LCLAT1: variants seen among roughly 807,000 people sequenced by gnomAD.
The protein encoded by LCLAT1 is 1-AGP acyltransferase 8.
A neutral mutation model predicts 30.7 loss-of-function variants in LCLAT1; 11 were observed. The ratio of observed to expected loss-of-function variants is 0.36; its 90% CI spans 0.23 to 0.59. LCLAT1 has a LOEUF of 0.59. Ranked by LOEUF, LCLAT1 falls within the 20% of genes least tolerant of loss-of-function variation. The pLI, the probability that LCLAT1 is intolerant of heterozygous loss-of-function variation, is 0.77. For missense variants in LCLAT1, 402 were observed against 458.6 expected (o/e 0.88, Z 1.13); for synonymous variants, 155 against 151.3 (o/e 1.02, Z -0.18).
intron 5 of LCLAT1, among the ~76,000 whole-genome samples, chr2:30,579,674 C>T (rs374307954): frequency 4.6e-5 from 7 of 152,170 alleles, no homozygotes; most frequent in African/African-American, 1.2e-4. Context: ...CAGTGGAGAC[C>T]AGCCTTTTTA....
intron 2 of LCLAT1, among the ~76,000 whole-genome samples, chr2:30,532,625 A>G (rs532060279): frequency 6.6e-6 from 1 of 152,190 alleles, no homozygotes; most frequent in African/African-American, 2.4e-5. Context: ...TAGTTAATTT[A>G]TTCTTTACAT....
At chr2:30,550,614 A>G (rs1664636309) in intron 3 of LCLAT1, among the ~76,000 whole-genome samples, 1 of 152,202 alleles carries the variant, frequency 6.6e-6, no homozygotes, top group Admixed American at 6.5e-5. Context: ...GAGGTTCATG[A>G]TATCAACATG....
intron 3 of LCLAT1, among the ~76,000 whole-genome samples, chr2:30,554,237 G>A (rs758445050): frequency 1.3e-5 from 2 of 152,166 alleles, no homozygotes; most frequent in Non-Finnish European, 2.9e-5. Context: ...AAATACATTC[G>A]ACCTGTCAGT....
intron 1 of LCLAT1, among the ~76,000 whole-genome samples, chr2:30,504,065 A>C (rs1313586700): frequency 6.7e-6 from 1 of 148,756 alleles, no homozygotes; most frequent in African/African-American, 2.5e-5. Context: ...AACTTTCTTC[A>C]TGCTTAAGGG....
intron 5 of LCLAT1, among the ~76,000 whole-genome samples, chr2:30,571,070 T>C (rs142437880): frequency 0.011 from 1,651 of 152,306 alleles, 25 homozygotes; most frequent in Admixed American, 0.04. Context: ...TATAGATTTA[T>C]TTGAGTTTTA....
intron 3 of LCLAT1, among the ~76,000 whole-genome samples, chr2:30,542,170 CT>C (rs1370235976): frequency 6.6e-6 from 1 of 151,960 alleles, no homozygotes; most frequent in Non-Finnish European, 1.5e-5. Flanking sequence ...TGTGGTTTAC[CT>C]TTCTACTTTT....
At chr2:30,525,789 T>A (rs1316189992) in intron 2 of LCLAT1, 34 bp downstream of exon 2, 1 of 1,603,644 alleles carries the variant, frequency 6.2e-7, no homozygotes, top group Non-Finnish European at 8.5e-7. Context: ...TGTCTGCTTG[T>A]ACTAGAGTGC....
At chr2:30,594,334 A>G (rs1394628794) in intron 5 of LCLAT1, among the ~76,000 whole-genome samples, 2 of 152,148 alleles carry the variant, frequency 1.3e-5, no homozygotes, top group African/African-American at 4.8e-5. Context: ...GCAAAGTTCA[A>G]AGAGGCTTAC....
chr2:30,489,026 C>T (rs1337217575), intron 1 of LCLAT1: 1 of 152,198 alleles, frequency 6.6e-6, no homozygotes, highest in Non-Finnish European at 1.5e-5. Flanking sequence ...TTCCATTGTA[C>T]TGATAGGTTC....
At chr2:30,536,463 A>G (rs1404583424) in intron 3 of LCLAT1, among the ~76,000 whole-genome samples, 1 of 152,250 alleles carries the variant, frequency 6.6e-6, no homozygotes, top group Non-Finnish European at 1.5e-5. Context: ...TTTACAGGCC[A>G]GGAGAGAATG....
chr2:30,562,802 AG>A (rs1315676078), intron 4 of LCLAT1, among the ~76,000 whole-genome samples: 1 of 152,102 alleles, frequency 6.6e-6, no homozygotes, highest in African/African-American at 2.4e-5. Context: ...TCCTCTTCTA[AG>A]GTATTTATTT....
At chr2:30,590,511 A>G (rs1272104008) in intron 5 of LCLAT1, among the ~76,000 whole-genome samples, 1 of 144,772 alleles carries the variant, frequency 6.9e-6, no homozygotes, top group Non-Finnish European at 1.5e-5. Context: ...GTGAAGGTGG[A>G]CATATTTTAT....
chr2:30,502,011 C>T (rs777682032), intron 1 of LCLAT1, among the ~76,000 whole-genome samples: 3 of 152,172 alleles, frequency 2.0e-5, no homozygotes, highest in African/African-American at 4.8e-5. Context: ...CTCTTCGGAA[C>T]AGATGTTGCT....
chr2:30,583,668 G>A (rs1321875643), intron 5 of LCLAT1, among the ~76,000 whole-genome samples: 1 of 152,152 alleles, frequency 6.6e-6, no homozygotes, highest in African/African-American at 2.4e-5. Flanking sequence ...ATAGCAAATG[G>A]AGAGAAAAGA....
At chr2:30,480,200 A>G (rs1029622043) in intron 1 of LCLAT1, among the ~76,000 whole-genome samples, 2 of 152,170 alleles carry the variant, frequency 1.3e-5, no homozygotes, top group African/African-American at 2.4e-5. Flanking sequence ...GCTGAACGAC[A>G]TTTGTTACAC....
chr2:30,496,921 G>T (rs1684147015), intron 1 of LCLAT1, among the ~76,000 whole-genome samples: 1 of 152,126 alleles, frequency 6.6e-6, no homozygotes, highest in South Asian at 2.1e-4. Context: ...CTCTGCTACT[G>T]TTATTATTTC....
intron 1 of LCLAT1, among the ~76,000 whole-genome samples, chr2:30,509,712 C>A (rs1445096760): frequency 6.6e-6 from 1 of 152,046 alleles, no homozygotes; most frequent in Non-Finnish European, 1.5e-5. Flanking sequence ...ACTACAGATG[C>A]ATGCCACCAT....
intron 1 of LCLAT1, among the ~76,000 whole-genome samples, chr2:30,450,846 T>C (rs1220886084): frequency 6.6e-6 from 1 of 152,218 alleles, no homozygotes; most frequent in East Asian, 1.9e-4. Context: ...TGAAAATGAT[T>C]GATAAATTTG....
intron 5 of LCLAT1, among the ~76,000 whole-genome samples, chr2:30,582,602 T>C (rs1666254328): frequency 2.0e-5 from 3 of 152,262 alleles, no homozygotes; most frequent in Non-Finnish European, 1.5e-5. Context: ...GTAAATGCCA[T>C]AATGTATCAT....
Sources: gnomAD v4.1 joint callset for allele counts (sites outside exome capture counted in the v4.1 genomes callset) on GRCh38, gnomAD v4.1.1 for gene constraint, MANE v1.5 for transcripts, NCBI Gene and HGNC (gene_info 2026-07-23, HGNC 2026-07-21) for gene names.